RNGTT: variants seen among roughly 807,000 people sequenced by gnomAD.
RNGTT encodes RNA guanylyltransferase and 5'-phosphatase, also known as mRNA-capping enzyme.
A neutral mutation model predicts 79.3 loss-of-function variants in RNGTT; 33 were observed. The ratio of observed to expected loss-of-function variants is 0.42; its 90% CI spans 0.32 to 0.56. The LOEUF (loss-of-function observed/expected upper bound fraction) is 0.56. RNGTT is among the 20% of genes least tolerant of loss of function. The pLI, the probability that RNGTT is intolerant of heterozygous loss-of-function variation, is 0.17. For synonymous variants in RNGTT, 222 were observed against 235.9 expected (o/e 0.94, Z 0.54); for missense variants, 497 against 739.1 (o/e 0.67, Z 3.80).
chr6:88,753,504 CAA>C (rs879460994), intron 13 of RNGTT, among the ~76,000 whole-genome samples: 3 of 119,044 alleles, frequency 2.5e-5, no homozygotes, highest in Non-Finnish European at 1.8e-5. Context: ...ACCCCTGTCT[CAA>C]AAAAAAAAAA....
chr6:88,793,946 T>C (rs977542181), intron 12 of RNGTT, among the ~76,000 whole-genome samples: 1 of 152,236 alleles, frequency 6.6e-6, no homozygotes, highest in African/African-American at 2.4e-5. Context: ...GAAACTAAAA[T>C]AAAAGAGTTT....
At chr6:88,797,174 G>T (rs376944262) in intron 12 of RNGTT, among the ~76,000 whole-genome samples, 1 of 152,036 alleles carries the variant, frequency 6.6e-6, no homozygotes, top group Non-Finnish European at 1.5e-5. Context: ...AAACAGGGAG[G>T]CTTGATTTAT....
chr6:88,902,524 C>A (rs1241627204), intron 6 of RNGTT, among the ~76,000 whole-genome samples: 5 of 151,464 alleles, frequency 3.3e-5, no homozygotes, highest in African/African-American at 1.2e-4. Context: ...ATCCCTTGAC[C>A]CCAGGGATCT....
intron 11 of RNGTT, among the ~76,000 whole-genome samples, chr6:88,803,253 G>A (rs996610504): frequency 2.0e-5 from 3 of 152,014 alleles, no homozygotes; most frequent in African/African-American, 7.2e-5. Flanking sequence ...GGCTTGGGGG[G>A]TAGTCTTTAA....
chr6:88,949,158 T>TAAAAA (rs1491197999), intron 1 of RNGTT, among the ~76,000 whole-genome samples: 1 of 18,008 alleles, frequency 5.6e-5, no homozygotes, highest in African/African-American at 2.6e-4. Context: ...TAAAATAAAA[T>TAAAAA]GAAAAAAAAA....
At chr6:88,659,210 A>T (rs1159225077) in intron 14 of RNGTT, among the ~76,000 whole-genome samples, 1 of 152,164 alleles carries the variant, frequency 6.6e-6, no homozygotes. Context: ...GGAACCAAAA[A>T]AGTGATTCTG....
At chr6:88,793,143 G>A (rs1779477950) in intron 12 of RNGTT, among the ~76,000 whole-genome samples, 1 of 152,066 alleles carries the variant, frequency 6.6e-6, no homozygotes, top group Non-Finnish European at 1.5e-5. Flanking sequence ...TAAAAACTAA[G>A]AGAATTAAAG....
intron 13 of RNGTT, among the ~76,000 whole-genome samples, chr6:88,740,133 A>T (rs1478820615): frequency 6.6e-6 from 1 of 152,110 alleles, no homozygotes; most frequent in Non-Finnish European, 1.5e-5. Flanking sequence ...CTGTGAAACA[A>T]GTAGGAAAGA....
intron 8 of RNGTT, among the ~76,000 whole-genome samples, chr6:88,862,041 A>C (rs1582554872): frequency 6.6e-6 from 1 of 152,218 alleles, no homozygotes; most frequent in East Asian, 1.9e-4. Flanking sequence ...GAAAAAGACC[A>C]GATAATTTAA....
chr6:88,948,148 C>T (rs1582166332), intron 1 of RNGTT, among the ~76,000 whole-genome samples: 1 of 28,190 alleles, frequency 3.5e-5, no homozygotes, highest in African/African-American at 1.6e-4. Context: ...AGCCCCTCTG[C>T]CCGGCCAGCC....
At chr6:88,766,488 T>TAA (rs1446071768) in intron 13 of RNGTT, among the ~76,000 whole-genome samples, 1 of 152,120 alleles carries the variant, frequency 6.6e-6, no homozygotes, top group African/African-American at 2.4e-5. Context: ...CAACACAATA[T>TAA]AAATTGCTAA....
intron 13 of RNGTT, among the ~76,000 whole-genome samples, chr6:88,740,282 G>A (rs1021967071): frequency 3.3e-5 from 5 of 152,078 alleles, no homozygotes; most frequent in Admixed American, 1.3e-4. Context: ...CTTTGGGGGG[G>A]CCGAGGCAGG....
At chr6:88,752,064 T>A (rs1321364405) in intron 13 of RNGTT, among the ~76,000 whole-genome samples, 1 of 152,074 alleles carries the variant, frequency 6.6e-6, no homozygotes, top group Non-Finnish European at 1.5e-5. Context: ...AGTTCCATTT[T>A]CCAGAGATAA....
At chr6:88,641,560 CA>C (rs1186741287) in intron 14 of RNGTT, among the ~76,000 whole-genome samples, 2 of 152,088 alleles carry the variant, frequency 1.3e-5, no homozygotes, top group Admixed American at 1.3e-4. Context: ...CACTGACAGA[CA>C]AAATAGAAAG....
At chr6:88,840,623 T>G (rs1419800611) in intron 11 of RNGTT, among the ~76,000 whole-genome samples, 1 of 152,208 alleles carries the variant, frequency 6.6e-6, no homozygotes. Context: ...GGTCTCGAAC[T>G]CTTGGGCACA....
intron 13 of RNGTT, among the ~76,000 whole-genome samples, chr6:88,710,047 T>G (rs1162846887): frequency 6.6e-6 from 1 of 152,232 alleles, no homozygotes; most frequent in Non-Finnish European, 1.5e-5. Flanking sequence ...TTTTTTGAAA[T>G]GTATGTATAA....
chr6:88,656,272 C>T (rs903319556), intron 14 of RNGTT, among the ~76,000 whole-genome samples: 7 of 152,008 alleles, frequency 4.6e-5, no homozygotes, highest in African/African-American at 1.4e-4. Context: ...AAGGAGTTAC[C>T]GTCTTGGATG....
chr6:88,948,372 C>T (rs1785101785), intron 1 of RNGTT, among the ~76,000 whole-genome samples: 1 of 121,406 alleles, frequency 8.2e-6, no homozygotes, highest in Non-Finnish European at 1.8e-5. Flanking sequence ...GGGGGTCAGC[C>T]CCCCCGCCCG....
At chr6:88,860,802 C>A (rs1232368923) in intron 8 of RNGTT, among the ~76,000 whole-genome samples, 1 of 149,570 alleles carries the variant, frequency 6.7e-6, no homozygotes, top group Non-Finnish European at 1.5e-5. Context: ...AGTGAGACCA[C>A]ATCTCTATTT....
Sources: gnomAD v4.1 joint callset for allele counts (sites outside exome capture counted in the v4.1 genomes callset) on GRCh38, gnomAD v4.1.1 for gene constraint, MANE v1.5 for transcripts, NCBI Gene and HGNC (gene_info 2026-07-23, HGNC 2026-07-21) for gene names.